Variants in AGMO observed in about 807,000 individuals in gnomAD.
AGMO encodes the protein alkylglycerol monooxygenase.
Under a neutral mutation model 60.2 loss-of-function variants are expected in AGMO, and 75 were observed. That is an observed-to-expected ratio of 1.25 (90% confidence interval 1.03 to 1.51). The LOEUF is 1.51. Among genes scored for constraint, AGMO ranks in the 40% most tolerant of loss-of-function variants. AGMO has a pLI of 0.00. For missense variants in AGMO, 763 were observed against 525.5 expected, an observed-to-expected ratio of 1.45 and a Z score of -4.42; for synonymous variants, 261 against 177.1, an observed-to-expected ratio of 1.47 and a Z score of -3.76.
At chr7:15,199,168 ACT>A (rs1196620004), downstream of AGMO, among the ~76,000 whole-genome samples, 2 of 152,052 alleles carry the variant, frequency 1.3e-5, no homozygotes, top group East Asian at 1.9e-4. Context: ...TAATTTTTTC[ACT>A]GTTATAATTT....
chr7:15,224,982 T>C (rs1467510663), intron 12 of AGMO, among the ~76,000 whole-genome samples: 1 of 152,018 alleles, frequency 6.6e-6, no homozygotes, highest in Non-Finnish European at 1.5e-5. Flanking sequence ...ATATTATATA[T>C]AAAAAATAAA....
chr7:15,508,615 G>C (rs758334684), intron 3 of AGMO, among the ~76,000 whole-genome samples: 19 of 152,046 alleles, frequency 1.2e-4, no homozygotes, highest in Non-Finnish European at 2.4e-4. Flanking sequence ...AAGAGAAACA[G>C]ATGCCAGGGA....
intron 12 of AGMO, among the ~76,000 whole-genome samples, chr7:15,231,361 C>T (rs1782254405): frequency 1.3e-5 from 2 of 152,186 alleles, no homozygotes; most frequent in Non-Finnish European, 2.9e-5. Flanking sequence ...TCTCTCACTT[C>T]CCCAGCAGTG....
At chr7:15,456,126 T>C (rs926909880) in intron 3 of AGMO, among the ~76,000 whole-genome samples, 3 of 152,128 alleles carry the variant, frequency 2.0e-5, no homozygotes, top group African/African-American at 7.2e-5. Context: ...TGGAAGATTT[T>C]CTCAAGCTTA....
chr7:15,371,230 T>C (rs1783199463), intron 10 of AGMO, among the ~76,000 whole-genome samples: 1 of 152,160 alleles, frequency 6.6e-6, no homozygotes, highest in Non-Finnish European at 1.5e-5. Flanking sequence ...TGTTTTATTT[T>C]ATTTTTGAAA....
intron 12 of AGMO, among the ~76,000 whole-genome samples, chr7:15,245,796 TG>T (rs1279438758): frequency 6.6e-6 from 1 of 152,172 alleles, no homozygotes; most frequent in Non-Finnish European, 1.5e-5. Context: ...CACAAATGCT[TG>T]GATTTTCCTC....
chr7:15,322,455 T>C (rs867462907), intron 12 of AGMO, among the ~76,000 whole-genome samples: 1 of 80,068 alleles, frequency 1.2e-5, no homozygotes, highest in South Asian at 3.5e-4. Context: ...AATATATATA[T>C]AAATATATAT....
At chr7:15,297,553 A>C (rs181001863) in intron 12 of AGMO, among the ~76,000 whole-genome samples, 1 of 152,320 alleles carries the variant, frequency 6.6e-6, no homozygotes, top group Non-Finnish European at 1.5e-5. Context: ...ATCACAGAAA[A>C]GTTAGTGTTG....
downstream of AGMO, among the ~76,000 whole-genome samples, chr7:15,198,236 A>AGAGG: frequency 8.6e-6 from 1 of 115,772 alleles, no homozygotes; most frequent in Non-Finnish European, 1.7e-5. Context: ...AGAGAGAGAG[A>AGAGG]GAGAGAGAGA....
the AGMO span, among the ~76,000 whole-genome samples, chr7:15,138,955 T>C: frequency 1.2e-4 from 18 of 152,270 alleles, no homozygotes; most frequent in East Asian, 1.7e-3. Flanking sequence ...TAGTAACTTA[T>C]AAAGCTTAAT....
rs550995985 is a variant in AGMO, at chr7:15,551,507, A to G, written c.258-6584T>C. 6.0e-3 allele frequency among the ~76,000 whole-genome samples: 889 copies of G among 148,036 alleles called. 7 individuals are homozygous for G. The highest frequency in any genetic ancestry group is 0.021 in the African/African-American group (841 of 40,282). On this transcript the variant is annotated intron_variant, in intron 2 of 12. Coordinates refer to ENST00000342526, the MANE Select transcript of AGMO (RefSeq NM_001004320.2). ...AAATCAATGTGCAAAAATCACAAGCATTCTTATACACCAACAACAGACAAA... is the reference window on the plus strand; with the variant it reads ...AAATCAATGTGCAAAAATCACAAGCGTTCTTATACACCAACAACAGACAAA...
At chr7:15,230,146 G>T (rs1384508995) in intron 12 of AGMO, among the ~76,000 whole-genome samples, 1 of 152,034 alleles carries the variant, frequency 6.6e-6, no homozygotes, top group Non-Finnish European at 1.5e-5. Flanking sequence ...GAAAAGAAAA[G>T]AGGAGGAGGA....
chr7:15,194,538 T>C, the AGMO span, among the ~76,000 whole-genome samples: 1 of 152,186 alleles, frequency 6.6e-6, no homozygotes, highest in Non-Finnish European at 1.5e-5. Context: ...AAATAGATGC[T>C]GATACTTCTT....
intron 12 of AGMO, among the ~76,000 whole-genome samples, chr7:15,307,396 G>GAC (rs1289779545): frequency 6.6e-6 from 1 of 151,978 alleles, no homozygotes; most frequent in African/African-American, 2.4e-5. Context: ...ATCTAAAAGT[G>GAC]ACAGTGCCAG....
At chr7:15,243,110 T>C (rs1423781006) in intron 12 of AGMO, among the ~76,000 whole-genome samples, 1 of 151,986 alleles carries the variant, frequency 6.6e-6, no homozygotes, top group Non-Finnish European at 1.5e-5. Context: ...ACTGAAAATA[T>C]CTTTAATATT....
chr7:15,557,066 T>C (rs978797742), intron 2 of AGMO, among the ~76,000 whole-genome samples: 51 of 152,028 alleles, frequency 3.4e-4, no homozygotes, highest in African/African-American at 1.1e-3. Flanking sequence ...ATGTGTCTTT[T>C]CTATCAACAT....
At chr7:15,382,022 G>A (rs1333416730) in intron 10 of AGMO, among the ~76,000 whole-genome samples, 1 of 152,100 alleles carries the variant, frequency 6.6e-6, no homozygotes, top group Non-Finnish European at 1.5e-5. Flanking sequence ...GGGTCTATTG[G>A]AGGGTGGAGG....
chr7:15,545,708 T>G (rs939838435), intron 2 of AGMO, among the ~76,000 whole-genome samples: 1 of 152,068 alleles, frequency 6.6e-6, no homozygotes, highest in Non-Finnish European at 1.5e-5. Context: ...TTCCACAAAT[T>G]TTCAGTAACT....
chr7:15,201,150 G>A lies in AGMO; in HGVS notation c.*135C>T. ...TAACAAATGTGAAAGGCAAACAATA[G>A]TAAATAAGTAATTTTACTTTTCATT... On this transcript the variant is annotated 3_prime_UTR_variant, in exon 13 of 13. Coordinates refer to ENST00000342526, the MANE Select transcript of AGMO (RefSeq NM_001004320.2). 1 of 546,732 alleles carries A rather than the reference G, an allele frequency of 1.8e-6. No individual in the cohort carries two copies. The allele number at this position is 546,732 out of a possible 1,614,324, so 33.9% of individuals were successfully genotyped here. A position where few individuals can be genotyped will look rare whatever the true frequency, so the allele number is the denominator to read the frequency against.
Sources: gnomAD v4.1 joint callset for allele counts (sites outside exome capture counted in the v4.1 genomes callset) on GRCh38, gnomAD v4.1.1 for gene constraint, MANE v1.5 for transcripts, NCBI Gene and HGNC (gene_info 2026-07-23, HGNC 2026-07-21) for gene names.